The following SEMA5A variants were observed in gnomAD, a reference collection of about 807,000 sequenced individuals.
SEMA5A encodes the protein semaphorin 5A.
A neutral mutation model predicts 135.5 loss-of-function variants in SEMA5A; 55 were observed. The observed-to-expected ratio is 0.41, with a 90% confidence interval of 0.33 to 0.51. SEMA5A has a LOEUF of 0.51. SEMA5A is among the 20% of genes least tolerant of loss of function. The probability of loss-of-function intolerance (pLI) is 0.37; values close to 1 mark genes in which losing one functional copy is unlikely to be tolerated. For synonymous variants in SEMA5A, 580 were observed against 546.5 expected (o/e 1.06, Z -0.85); for missense variants, 1,290 against 1,419.9 (o/e 0.91, Z 1.47).
At chr5:9,524,023 G>C (rs1182000985) in intron 1 of SEMA5A, among the ~76,000 whole-genome samples, 1 of 152,186 alleles carries the variant, frequency 6.6e-6, no homozygotes, top group African/African-American at 2.4e-5. Flanking sequence ...TTGAAGGAGA[G>C]GCCTGGTGGG....
chr5:9,353,317 A>ATGAAAGGAAATGAAAGGAAAG (rs1261140956), intron 3 of SEMA5A, among the ~76,000 whole-genome samples: 15 of 53,496 alleles, frequency 2.8e-4, no homozygotes, highest in South Asian at 9.0e-4. Context: ...GGGAAGGGAA[A>ATGAAAGGAAATGAAAGGAAAG]GGAAGGAAAG....
At chr5:9,192,405 A>G (rs1745160873) in intron 10 of SEMA5A, among the ~76,000 whole-genome samples, 1 of 152,250 alleles carries the variant, frequency 6.6e-6, no homozygotes, top group Admixed American at 6.5e-5. Flanking sequence ...AGAACAAGAC[A>G]ATGTGCCTGG....
At chr5:9,079,731 G>A (rs548508870) in intron 16 of SEMA5A, among the ~76,000 whole-genome samples, 2 of 152,234 alleles carry the variant, frequency 1.3e-5, no homozygotes, top group Admixed American at 6.5e-5. Context: ...CAAAAAGTGG[G>A]TGAAGGATAT....
intron 3 of SEMA5A, among the ~76,000 whole-genome samples, chr5:9,346,365 G>T (rs1245036032): frequency 2.6e-5 from 4 of 151,980 alleles, no homozygotes; most frequent in South Asian, 4.2e-4. Context: ...CCACCCTTCA[G>T]TTCGCTCATG....
At chr5:9,476,732 CACA>C (rs1421927329) in intron 1 of SEMA5A, among the ~76,000 whole-genome samples, 1 of 151,998 alleles carries the variant, frequency 6.6e-6, no homozygotes. Flanking sequence ...TCATCTTTAC[CACA>C]ACATCTACTA....
intron 5 of SEMA5A, among the ~76,000 whole-genome samples, chr5:9,307,172 C>CA (rs1247162036): frequency 3.3e-5 from 5 of 152,242 alleles, no homozygotes; most frequent in African/African-American, 9.6e-5. Context: ...TTGAAGGGAT[C>CA]ATGTAGTATC....
intron 8 of SEMA5A, among the ~76,000 whole-genome samples, chr5:9,221,270 A>G (rs1039735163): frequency 2.4e-4 from 36 of 147,932 alleles, no homozygotes; most frequent in Non-Finnish European, 4.3e-4. Context: ...TTTTTGTCTT[A>G]CTTAAGAGAA....
intron 6 of SEMA5A, among the ~76,000 whole-genome samples, chr5:9,233,351 A>G (rs550924759): frequency 6.6e-6 from 1 of 152,344 alleles, no homozygotes; most frequent in Non-Finnish European, 1.5e-5. Context: ...TATTTGTGTA[A>G]AAGATACTTA....
intron 18 of SEMA5A, among the ~76,000 whole-genome samples, chr5:9,058,993 A>G (rs1395624717): frequency 6.6e-6 from 1 of 152,216 alleles, no homozygotes; most frequent in Non-Finnish European, 1.5e-5. Flanking sequence ...AGATTTATCT[A>G]TAGGACACAC....
intron 8 of SEMA5A, among the ~76,000 whole-genome samples, chr5:9,223,137 A>G (rs942863531): frequency 6.6e-6 from 1 of 152,380 alleles, no homozygotes; most frequent in Non-Finnish European, 1.5e-5. Flanking sequence ...AAGTCAGTTC[A>G]ACAGAAATGA....
intron 1 of SEMA5A, among the ~76,000 whole-genome samples, chr5:9,449,585 A>G (rs80078361): frequency 6.9e-6 from 1 of 144,602 alleles, no homozygotes; most frequent in East Asian, 2.0e-4. Flanking sequence ...AAGTTGAAGG[A>G]AAAAAAAAAA....
intron 16 of SEMA5A, among the ~76,000 whole-genome samples, chr5:9,100,124 G>A (rs1329160105): frequency 6.6e-6 from 1 of 152,190 alleles, no homozygotes; most frequent in African/African-American, 2.4e-5. Context: ...TGCGATGACT[G>A]GGAAGTTCTC....
intron 7 of SEMA5A, 27 bp downstream of exon 7, chr5:9,226,842 C>A (rs372817492): frequency 4.5e-6 from 7 of 1,568,366 alleles, no homozygotes; most frequent in Non-Finnish European, 6.1e-6. Flanking sequence ...ATATTAAATT[C>A]TTTTGAGGCA....
intron 1 of SEMA5A, among the ~76,000 whole-genome samples, chr5:9,539,796 T>C (rs985620800): frequency 6.6e-5 from 10 of 152,202 alleles, no homozygotes; most frequent in African/African-American, 2.4e-4. Flanking sequence ...AGAAATTATA[T>C]TTATGCTAAT....
intron 16 of SEMA5A, among the ~76,000 whole-genome samples, chr5:9,083,837 A>G (rs1393992258): frequency 6.6e-6 from 1 of 152,178 alleles, no homozygotes; most frequent in African/African-American, 2.4e-5. Context: ...GCACACAGTA[A>G]TTGTCACTCT....
At chr5:9,147,639 T>C (rs1262119894) in intron 12 of SEMA5A, among the ~76,000 whole-genome samples, 1 of 151,902 alleles carries the variant, frequency 6.6e-6, no homozygotes, top group Non-Finnish European at 1.5e-5. Context: ...GGTGTGACTC[T>C]TTTATATGTA....
intron 6 of SEMA5A, among the ~76,000 whole-genome samples, chr5:9,230,998 C>T (rs891011544): frequency 1.3e-5 from 2 of 152,104 alleles, no homozygotes; most frequent in Non-Finnish European, 2.9e-5. Context: ...TTGTGAATTC[C>T]AGATGTGAAT....
chr5:9,375,385 A>C (rs1345584372), intron 3 of SEMA5A, among the ~76,000 whole-genome samples: 2 of 152,080 alleles, frequency 1.3e-5, no homozygotes, highest in Non-Finnish European at 2.9e-5. Flanking sequence ...AGGGACACAG[A>C]GGGAGGATAC....
At chr5:9,122,101 G>GAATATAGTTGTAAAA (rs1417885532) in intron 14 of SEMA5A, among the ~76,000 whole-genome samples, 19 of 152,110 alleles carry the variant, frequency 1.2e-4, no homozygotes. Context: ...AGAGCAAACA[G>GAATATAGTTGTAAAA]AATATAGTTG....
Sources: gnomAD v4.1 joint callset for allele counts (sites outside exome capture counted in the v4.1 genomes callset) on GRCh38, gnomAD v4.1.1 for gene constraint, MANE v1.5 for transcripts, NCBI Gene and HGNC (gene_info 2026-07-23, HGNC 2026-07-21) for gene names.